EEA1: variants seen among roughly 807,000 people sequenced by gnomAD.
EEA1 encodes early endosome antigen 1.
A neutral mutation model predicts 209.2 loss-of-function variants in EEA1; 111 were observed. The observed-to-expected ratio is 0.53, with a 90% CI of 0.45 to 0.62. The LOEUF (loss-of-function observed/expected upper bound fraction) is 0.62. Among genes scored for constraint, EEA1 ranks in the 20% least tolerant of loss-of-function variants. EEA1 has a pLI of 0.00. For synonymous variants in EEA1, 536 were observed against 540.6 expected, an observed-to-expected ratio of 0.99 and a Z score of 0.12; for missense variants, 1,343 against 1,530.8, an observed-to-expected ratio of 0.88 and a Z score of 2.05.
chr12:92,862,351 T>C (rs561191173), intron 3 of EEA1, among the ~76,000 whole-genome samples: 1 of 152,270 alleles, frequency 6.6e-6, no homozygotes, highest in South Asian at 2.1e-4. Context: ...ATCCTAACAC[T>C]TTGGCAGGTT....
intron 1 of EEA1, among the ~76,000 whole-genome samples, chr12:92,923,162 A>G (rs905585313): frequency 1.2e-4 from 18 of 151,840 alleles, no homozygotes; most frequent in African/African-American, 4.4e-4. Context: ...CCTGGCTAAC[A>G]CAGTGAAACC....
At chr12:92,838,784 T>C (rs1877037951) in intron 10 of EEA1, among the ~76,000 whole-genome samples, 1 of 152,166 alleles carries the variant, frequency 6.6e-6, no homozygotes, top group South Asian at 2.1e-4. Flanking sequence ...AATATTTGAA[T>C]ATTTGTAGTA....
chr12:92,838,336 C>T (rs987990493), intron 10 of EEA1, among the ~76,000 whole-genome samples: 1 of 152,102 alleles, frequency 6.6e-6, no homozygotes, highest in African/African-American at 2.4e-5. Flanking sequence ...TTGAGAAACA[C>T]ATAATAACAC....
chr12:92,815,582 T>C (rs769217840), intron 15 of EEA1, among the ~76,000 whole-genome samples: 1 of 152,200 alleles, frequency 6.6e-6, no homozygotes, highest in Non-Finnish European at 1.5e-5. Context: ...ATTTCTATTC[T>C]ATATCATAGA....
rs750104136 is a variant in EEA1 at position 92,857,332 on chromosome 12, T to C, written c.309A>G (p.Lys103=). The change falls in exon 5 of 29, where the codon AAA becomes AAG. Residue 103 remains lysine, a synonymous_variant. Transcript: ENST00000322349. ...CCTTCTTTAATTCTTCCGAGTACCA[T>C]TTTTCTTCCTAATAAAAAAGATTTT... is the stretch of plus-strand genomic sequence containing the variant. ...QDLQASLKEE[K]WYSEELKKEL... is the part of the protein sequence containing the mutation. The C allele has an allele frequency of 6.3e-7, 1 of 1,589,140 alleles. No individual in the cohort carries two copies. Among genetic ancestry groups the C allele is most frequent in the South Asian group, 1.2e-5 (1 of 85,360 alleles).
At chr12:92,911,133 G>T (rs1055351615) in intron 1 of EEA1, among the ~76,000 whole-genome samples, 18 of 150,836 alleles carry the variant, frequency 1.2e-4, no homozygotes, top group African/African-American at 4.5e-4. Flanking sequence ...ACACTCCTTG[G>T]TATTTACCCA....
intron 11 of EEA1, among the ~76,000 whole-genome samples, chr12:92,828,696 C>T (rs886268038): frequency 6.6e-6 from 1 of 151,316 alleles, no homozygotes; most frequent in Non-Finnish European, 1.5e-5. Context: ...GAGTTAAGAA[C>T]CATCACGAGT....
At chr12:92,798,131 T>C (rs991180141) in intron 21 of EEA1, among the ~76,000 whole-genome samples, 8 of 152,122 alleles carry the variant, frequency 5.3e-5, no homozygotes, top group African/African-American at 1.4e-4. Flanking sequence ...TAAATTAGAA[T>C]AGATTTGGAA....
At chr12:92,897,325 T>C (rs567503061) in intron 1 of EEA1, among the ~76,000 whole-genome samples, 206 of 152,312 alleles carry the variant, frequency 1.4e-3, no homozygotes, top group African/African-American at 4.8e-3. Context: ...TAGGCTCTGA[T>C]TGGTTGCCTT....
At chr12:92,817,552 G>GT (rs1276452177) in intron 14 of EEA1, among the ~76,000 whole-genome samples, 2 of 151,866 alleles carry the variant, frequency 1.3e-5, no homozygotes, top group Non-Finnish European at 2.9e-5. Context: ...CATCATTATA[G>GT]TTTTTTGTTT....
Position 92,804,113 on chromosome 12 carries a change from A to G in EEA1, c.2340-1379T>C, listed in dbSNP as rs201868288. ...ATTGGCAAGAATATAGACAATAAGAACAGCACTGTAATTGTTATTTATAGC... is the reference window on the plus strand; with the variant it reads ...ATTGGCAAGAATATAGACAATAAGAGCAGCACTGTAATTGTTATTTATAGC... On this transcript the variant is annotated intron_variant, in intron 18 of 28. Coordinates refer to ENST00000322349, the MANE Select transcript of EEA1 (RefSeq NM_003566.4). Among the ~76,000 whole-genome samples, 4 of 152,310 alleles carry G rather than the reference A, an allele frequency of 2.6e-5. No homozygotes were observed. In the East Asian group the frequency reaches 7.7e-4, roughly 29 times the overall value.
chr12:92,898,448 C>T (rs1008918683), intron 1 of EEA1, among the ~76,000 whole-genome samples: 7 of 151,904 alleles, frequency 4.6e-5, no homozygotes, highest in African/African-American at 1.7e-4. Context: ...TGGATCACTT[C>T]AGGTTAGGAG....
intron 10 of EEA1, among the ~76,000 whole-genome samples, chr12:92,836,369 C>T (rs1876929620): frequency 6.6e-6 from 1 of 152,114 alleles, no homozygotes; most frequent in Non-Finnish European, 1.5e-5. Context: ...ATTTTCTCAC[C>T]AATTGTTATC....
intron 9 of EEA1, among the ~76,000 whole-genome samples, chr12:92,846,820 C>T (rs922120760): frequency 5.9e-5 from 9 of 152,188 alleles, no homozygotes; most frequent in African/African-American, 1.9e-4. Context: ...TAATAATGTA[C>T]ACCAGATTAT....
chr12:92,919,891 C>T (rs1406541985), intron 1 of EEA1, among the ~76,000 whole-genome samples: 4 of 81,996 alleles, frequency 4.9e-5, no homozygotes, highest in African/African-American at 2.1e-4. Context: ...TAAGCAACTT[C>T]AGCAAAGTCT....
chr12:92,830,014 G>T (rs529175024), intron 11 of EEA1, among the ~76,000 whole-genome samples: 6 of 151,850 alleles, frequency 4.0e-5, no homozygotes, highest in Middle Eastern at 3.4e-3. Context: ...GAGAGTGTGG[G>T]GGGGGCGGGT....
At chr12:92,783,060 G>C (rs1873975334) in intron 22 of EEA1, among the ~76,000 whole-genome samples, 1 of 152,210 alleles carries the variant, frequency 6.6e-6, no homozygotes, top group Non-Finnish European at 1.5e-5. Flanking sequence ...GTAAATGTAA[G>C]TAAGTTTTCC....
intron 10 of EEA1, among the ~76,000 whole-genome samples, chr12:92,839,607 C>G (rs1207678990): frequency 1.3e-5 from 2 of 152,098 alleles, no homozygotes; most frequent in African/African-American, 4.8e-5. Context: ...CACAACTATT[C>G]TTGCTGAATT....
Position 92,812,992 on chromosome 12 carries a change from T to C in EEA1, c.2031A>G (p.Gln677=). The part of the protein sequence containing the change: ...NHLDTAQNAL[Q]DKQQELNKIT... ...TCTGTTTCCCTACCTGCTGTTTATC[T>C]TGTAATGCATTTTGAGCTGTGTCCA... is the stretch of plus-strand genomic sequence containing the variant. Residue 677 remains glutamine (Q), a synonymous_variant, in exon 16 of 29, where the codon CAA becomes CAG. Transcript: ENST00000322349. 1.3e-6 allele frequency: 2 copies of C among 1,579,990 alleles called. No homozygotes were observed. The highest frequency in any genetic ancestry group is 2.3e-5 in the East Asian group (1 of 44,184).
Sources: allele counts gnomAD v4.1 joint callset (sites outside exome capture counted in the v4.1 genomes callset), GRCh38; gene constraint gnomAD v4.1.1; transcripts MANE v1.5; gene names NCBI Gene and HGNC (gene_info 2026-07-23, HGNC 2026-07-21).